The following ENOX1 variants were observed in gnomAD, a reference collection of about 807,000 sequenced individuals.
ENOX1 encodes ecto-NOX disulfide-thiol exchanger 1.
ENOX1 carries 42 observed loss-of-function variants against 82.5 expected under a neutral mutation model. The ratio of observed to expected loss-of-function variants is 0.51; its 90% CI spans 0.40 to 0.66. The LOEUF (loss-of-function observed/expected upper bound fraction) is 0.66. Among genes scored for constraint, ENOX1 ranks in the 30% least tolerant of loss-of-function variants. ENOX1 has a pLI of 0.00. For synonymous variants in ENOX1, 271 were observed against 282.2 expected, an observed-to-expected ratio of 0.96 and a Z score of 0.40; for missense variants, 608 against 811.6, an observed-to-expected ratio of 0.75 and a Z score of 3.05.
chr13:43,498,820 T>C (rs1303222984), intron 2 of ENOX1, among the ~76,000 whole-genome samples: 2 of 152,112 alleles, frequency 1.3e-5, no homozygotes, highest in Non-Finnish European at 2.9e-5. Flanking sequence ...TTAACATGTG[T>C]CTACAATTCT....
At chr13:43,234,011 C>A (rs893399864) in intron 15 of ENOX1, among the ~76,000 whole-genome samples, 1 of 152,320 alleles carries the variant, frequency 6.6e-6, no homozygotes, top group African/African-American at 2.4e-5. Flanking sequence ...AGCCCCAGCA[C>A]CAGGAAATCC....
intron 2 of ENOX1, among the ~76,000 whole-genome samples, chr13:43,575,422 A>G (rs2080376657): frequency 6.6e-6 from 1 of 152,136 alleles, no homozygotes; most frequent in South Asian, 2.1e-4. Context: ...TACTTTCTCT[A>G]TTCTCCATGC....
At chr13:43,731,054 T>G (rs186577879) in intron 1 of ENOX1, among the ~76,000 whole-genome samples, 2 of 152,236 alleles carry the variant, frequency 1.3e-5, no homozygotes, top group Admixed American at 1.3e-4. Context: ...TCCTATTACA[T>G]AATGTATGCC....
chr13:43,356,287 C>T (rs534604067), intron 7 of ENOX1, 135 bp from the exon 8 acceptor site: 48 of 741,674 alleles, frequency 6.5e-5, no homozygotes, highest in Middle Eastern at 3.0e-4. Flanking sequence ...CCATAGGAAG[C>T]GGGAAACAAT....
intron 1 of ENOX1, among the ~76,000 whole-genome samples, chr13:43,684,054 C>T (rs1282455339): frequency 7.0e-6 from 1 of 142,002 alleles, no homozygotes; most frequent in Non-Finnish European, 1.5e-5. Flanking sequence ...AGAGATCGCG[C>T]CACTGTACTC....
intron 2 of ENOX1, among the ~76,000 whole-genome samples, chr13:43,581,698 ACT>A (rs1466501778): frequency 1.3e-5 from 2 of 152,110 alleles, no homozygotes; most frequent in African/African-American, 2.4e-5. Context: ...GAGCTGGAAG[ACT>A]CTGTTGGCCT....
chr13:43,382,936 A>G (rs1037486289), intron 5 of ENOX1, among the ~76,000 whole-genome samples: 48 of 152,210 alleles, frequency 3.2e-4, no homozygotes, highest in Admixed American at 1.6e-3. Context: ...CCTCCCTGGC[A>G]GCAACTTAAA....
chr13:43,643,713 A>G (rs763640148), intron 2 of ENOX1, among the ~76,000 whole-genome samples: 5 of 151,884 alleles, frequency 3.3e-5, no homozygotes, highest in Non-Finnish European at 7.4e-5. Context: ...ATATATATCA[A>G]TATAAGCTGG....
intron 2 of ENOX1, among the ~76,000 whole-genome samples, chr13:43,574,275 A>T (rs1451102525): frequency 6.6e-6 from 1 of 152,186 alleles, no homozygotes; most frequent in Non-Finnish European, 1.5e-5. Flanking sequence ...AGGCCACGCG[A>T]AGGACTTTTC....
intron 12 of ENOX1, among the ~76,000 whole-genome samples, chr13:43,272,540 T>C (rs1386246351): frequency 2.6e-5 from 4 of 152,222 alleles, no homozygotes; most frequent in African/African-American, 7.2e-5. Context: ...AGATTCTTCA[T>C]CTTTGAAAAA....
At chr13:43,294,993 C>T (rs1266128948) in intron 12 of ENOX1, among the ~76,000 whole-genome samples, 5 of 152,116 alleles carry the variant, frequency 3.3e-5, no homozygotes, top group Non-Finnish European at 5.9e-5. Context: ...CAAGAGGCAG[C>T]GAGTGCTGGA....
At chr13:43,294,405 T>C (rs1395831355) in intron 12 of ENOX1, among the ~76,000 whole-genome samples, 1 of 152,200 alleles carries the variant, frequency 6.6e-6, no homozygotes, top group Non-Finnish European at 1.5e-5. Context: ...ACTGCAAATT[T>C]GTGTGTAAAT....
intron 1 of ENOX1, among the ~76,000 whole-genome samples, chr13:43,726,256 C>A (rs1161185146): frequency 6.7e-6 from 1 of 149,740 alleles, no homozygotes; most frequent in Non-Finnish European, 1.5e-5. Context: ...GCTCTGTTGC[C>A]CAGGCTTGAG....
intron 10 of ENOX1, 132 bp downstream of exon 10, chr13:43,326,287 A>C (rs2048109264): frequency 2.8e-6 from 2 of 721,688 alleles, no homozygotes; most frequent in South Asian, 3.5e-5. Flanking sequence ...CTGCATTTGG[A>C]GCTGACAGTG....
intron 5 of ENOX1, among the ~76,000 whole-genome samples, chr13:43,368,194 C>T (rs1377011197): frequency 6.6e-6 from 1 of 152,188 alleles, no homozygotes; most frequent in Non-Finnish European, 1.5e-5. Flanking sequence ...AGAGTGAGTT[C>T]CTGGTGCCTG....
chr13:43,264,026 T>C (rs778058014), intron 14 of ENOX1, among the ~76,000 whole-genome samples: 6 of 152,236 alleles, frequency 3.9e-5, no homozygotes, highest in Non-Finnish European at 7.3e-5. Flanking sequence ...TCAATCCTAT[T>C]CACTCCCCAA....
intron 2 of ENOX1, among the ~76,000 whole-genome samples, chr13:43,619,125 T>A (rs1431403407): frequency 6.6e-6 from 1 of 152,154 alleles, no homozygotes; most frequent in Non-Finnish European, 1.5e-5. Flanking sequence ...TTATCAGTTC[T>A]AGAACCTTTC....
At chr13:43,483,145 C>T (rs2058571337) in intron 3 of ENOX1, among the ~76,000 whole-genome samples, 1 of 152,132 alleles carries the variant, frequency 6.6e-6, no homozygotes, top group African/African-American at 2.4e-5. Context: ...AAATAAATGC[C>T]TATGGGAAAA....
intron 2 of ENOX1, among the ~76,000 whole-genome samples, chr13:43,593,194 G>A (rs903923852): frequency 3.9e-5 from 6 of 152,128 alleles, no homozygotes; most frequent in African/African-American, 1.4e-4. Context: ...CCTTCCTACA[G>A]GCTTTGGAGA....
Sources: gnomAD v4.1 joint callset for allele counts (sites outside exome capture counted in the v4.1 genomes callset) on GRCh38, gnomAD v4.1.1 for gene constraint, MANE v1.5 for transcripts, NCBI Gene and HGNC (gene_info 2026-07-23, HGNC 2026-07-21) for gene names.